PTPRD: variants seen among roughly 807,000 people sequenced by gnomAD.
PTPRD encodes protein tyrosine phosphatase receptor type D, also known as receptor-type tyrosine-protein phosphatase delta.
A neutral mutation model predicts 214.5 loss-of-function variants in PTPRD; 34 were observed. The observed-to-expected ratio is 0.16, with a 90% CI of 0.12 to 0.21. The LOEUF is 0.21. Among genes scored for constraint, PTPRD ranks in the 10% least tolerant of loss-of-function variants. The pLI is 1.00. For missense variants in PTPRD, 2,545 were observed against 2,398.7 expected, an observed-to-expected ratio of 1.06 and a Z score of -1.27; for synonymous variants, 1,128 against 845.7, an observed-to-expected ratio of 1.33 and a Z score of -5.79.
chr9:10,408,056 A>G (rs1469842216), intron 2 of PTPRD, among the ~76,000 whole-genome samples: 1 of 151,542 alleles, frequency 6.6e-6, no homozygotes, highest in Non-Finnish European at 1.5e-5. Flanking sequence ...GACAAGGGGT[A>G]GAACATTATA....
At chr9:9,106,200 T>G (rs1445265773) in intron 10 of PTPRD, among the ~76,000 whole-genome samples, 1 of 152,052 alleles carries the variant, frequency 6.6e-6, no homozygotes, top group Non-Finnish European at 1.5e-5. Flanking sequence ...TTAATCTATG[T>G]TGAATCCTAT....
chr9:9,649,164 A>C (rs138678839), intron 7 of PTPRD, among the ~76,000 whole-genome samples: 3 of 152,172 alleles, frequency 2.0e-5, no homozygotes, highest in African/African-American at 7.2e-5. Flanking sequence ...GCCATATATC[A>C]GTAATTTTCT....
chr9:8,480,652 G>A (rs553887513), intron 30 of PTPRD, among the ~76,000 whole-genome samples: 2 of 152,176 alleles, frequency 1.3e-5, no homozygotes, highest in South Asian at 2.1e-4. Context: ...CATTAAATCT[G>A]CACAGTTTCT....
At chr9:9,243,588 C>A (rs6415799) in intron 9 of PTPRD, among the ~76,000 whole-genome samples, 77,665 of 151,978 alleles carry the variant, frequency 0.51, 20,172 homozygotes, top group African/African-American at 0.59. Flanking sequence ...TAAAATTCAA[C>A]AATCTTCATG....
At chr9:9,264,193 T>G (rs1232400708) in intron 9 of PTPRD, among the ~76,000 whole-genome samples, 1 of 151,654 alleles carries the variant, frequency 6.6e-6, no homozygotes, top group Non-Finnish European at 1.5e-5. Flanking sequence ...CAATAATATT[T>G]CAGTATCCAA....
intron 11 of PTPRD, among the ~76,000 whole-genome samples, chr9:9,013,804 T>C (rs1028729079): frequency 2.6e-5 from 4 of 152,184 alleles, no homozygotes; most frequent in Non-Finnish European, 5.9e-5. Context: ...ATTGTCAACA[T>C]TGGTTTAATC....
chr9:9,268,459 G>A (rs556430633), intron 9 of PTPRD, among the ~76,000 whole-genome samples: 2 of 151,164 alleles, frequency 1.3e-5, no homozygotes, highest in South Asian at 4.1e-4. Context: ...CAGATTTAAT[G>A]CATTTTTTTA....
chr9:9,106,541 A>G (rs1259458577), intron 10 of PTPRD, among the ~76,000 whole-genome samples: 1 of 147,706 alleles, frequency 6.8e-6, no homozygotes, highest in Non-Finnish European at 1.5e-5. Flanking sequence ...CCACCATACT[A>G]CAGAGAAGCT....
At chr9:9,564,203 C>A (rs10491609) in intron 8 of PTPRD, among the ~76,000 whole-genome samples, 1 of 152,026 alleles carries the variant, frequency 6.6e-6, no homozygotes, top group Non-Finnish European at 1.5e-5. Flanking sequence ...CTTTGTAGAT[C>A]CTTATTCATT....
intron 3 of PTPRD, among the ~76,000 whole-genome samples, chr9:10,329,590 C>T (rs553355524): frequency 6.6e-6 from 1 of 151,838 alleles, no homozygotes; most frequent in African/African-American, 2.4e-5. Context: ...ACATCGCATG[C>T]TTAATGTCTT....
At chr9:9,064,603 G>A (rs940187416) in intron 10 of PTPRD, among the ~76,000 whole-genome samples, 2 of 152,250 alleles carry the variant, frequency 1.3e-5, no homozygotes, top group Admixed American at 1.3e-4. Flanking sequence ...TTATATTCAA[G>A]AACTGTCCCA....
chr9:8,888,357 T>C (rs1431538189), intron 11 of PTPRD, among the ~76,000 whole-genome samples: 2 of 152,212 alleles, frequency 1.3e-5, no homozygotes, highest in African/African-American at 2.4e-5. Flanking sequence ...ATAATCTGGA[T>C]ACTTGAAAGC....
At chr9:10,238,211 C>T (rs73400325) in intron 3 of PTPRD, among the ~76,000 whole-genome samples, 2,200 of 151,870 alleles carry the variant, frequency 0.014, 45 homozygotes, top group African/African-American at 0.047. Context: ...ACTCAGGGCA[C>T]ATAACGTTGC....
At chr9:10,322,316 C>G (rs899378131) in intron 3 of PTPRD, among the ~76,000 whole-genome samples, 1 of 152,004 alleles carries the variant, frequency 6.6e-6, no homozygotes, top group African/African-American at 2.4e-5. Context: ...CACAAAACAA[C>G]AAATGCAAGC....
At chr9:9,590,935 T>C (rs2092663323) in intron 7 of PTPRD, among the ~76,000 whole-genome samples, 1 of 152,030 alleles carries the variant, frequency 6.6e-6, no homozygotes, top group South Asian at 2.1e-4. Context: ...ATGCAAAGCT[T>C]TATGTAATGA....
At chr9:10,461,777 C>G (rs906347376) in intron 2 of PTPRD, among the ~76,000 whole-genome samples, 1 of 152,010 alleles carries the variant, frequency 6.6e-6, no homozygotes, top group Non-Finnish European at 1.5e-5. Flanking sequence ...CGTGAGCCTC[C>G]AGGCCCAGCT....
At chr9:9,752,189 G>C (rs1016948800) in intron 6 of PTPRD, among the ~76,000 whole-genome samples, 1 of 151,994 alleles carries the variant, frequency 6.6e-6, no homozygotes, top group Non-Finnish European at 1.5e-5. Flanking sequence ...ATTGAAGTTT[G>C]GGGATTATCT....
At chr9:9,091,482 T>C (rs1034045321) in intron 10 of PTPRD, among the ~76,000 whole-genome samples, 1 of 152,220 alleles carries the variant, frequency 6.6e-6, no homozygotes, top group Non-Finnish European at 1.5e-5. Context: ...ATAGGAATTC[T>C]AGGTAGCTTC....
chr9:9,998,388 ACCT>A (rs899234394), intron 4 of PTPRD, among the ~76,000 whole-genome samples: 3 of 150,728 alleles, frequency 2.0e-5, no homozygotes, highest in African/African-American at 7.3e-5. Context: ...AAAAAAGTAG[ACCT>A]CCTTCTAAGC....
Sources: gnomAD v4.1 joint callset for allele counts (sites outside exome capture counted in the v4.1 genomes callset) on GRCh38, gnomAD v4.1.1 for gene constraint, MANE v1.5 for transcripts, NCBI Gene and HGNC (gene_info 2026-07-23, HGNC 2026-07-21) for gene names.